The following NCKAP1 variants were observed in gnomAD, a reference collection of about 807,000 sequenced individuals.
NCKAP1 encodes the protein NCK associated protein 1.
NCKAP1 carries 21 observed loss-of-function variants against 151.2 expected under a neutral mutation model. That is an observed-to-expected ratio of 0.14 (90% CI 0.10 to 0.20). NCKAP1 has a LOEUF of 0.20. NCKAP1 is among the 10% of genes least tolerant of loss of function. The pLI is 1.00. For missense variants in NCKAP1, 933 were observed against 1,352.1 expected, an observed-to-expected ratio of 0.69 and a Z score of 4.86; for synonymous variants, 484 against 451.8, an observed-to-expected ratio of 1.07 and a Z score of -0.90.
At chr2:182,975,615 C>T (rs1366937636) in intron 15 of NCKAP1, among the ~76,000 whole-genome samples, 1 of 152,056 alleles carries the variant, frequency 6.6e-6, no homozygotes, top group African/African-American at 2.4e-5. Flanking sequence ...TTATTTTTAA[C>T]AGCAAAACAG....
intron 14 of NCKAP1, among the ~76,000 whole-genome samples, chr2:182,978,057 C>T (rs550779728): frequency 2.6e-5 from 4 of 152,132 alleles, no homozygotes; most frequent in East Asian, 1.9e-4. Context: ...AGAGATCCTA[C>T]GAATAGAAAC....
rs1383851845 is a variant in NCKAP1, at chr2:183,004,032, T to G, written c.220-707A>C. Among the ~76,000 whole-genome samples the G allele has an allele frequency of 3.3e-5, 5 of 152,326 alleles. No individual in the cohort carries two copies. The East Asian group carries it at 9.6e-4, about 29-fold the overall frequency. On this transcript the variant is annotated intron_variant, in intron 2 of 30. Coordinates refer to ENST00000361354, the MANE Select transcript of NCKAP1 (RefSeq NM_013436.5). ...TAATTTCTAAAAGAATCTAGCTATT[T>G]TTAATGCCCTATAAGATTCTCAGAA...
At chr2:182,965,263 T>C (rs1450492860) in intron 16 of NCKAP1, among the ~76,000 whole-genome samples, 1 of 72,250 alleles carries the variant, frequency 1.4e-5, no homozygotes, top group Admixed American at 1.9e-4. Context: ...GAGAAATATT[T>C]TATGAACCAC....
chr2:182,976,801 G>T, intron 15 of NCKAP1, 92 bp downstream of exon 15: 1 of 578,840 alleles, frequency 1.7e-6, no homozygotes, highest in Non-Finnish European at 2.7e-6. Flanking sequence ...ATTTTCAATA[G>T]GTATATAACA....
rs767239132 is a variant in NCKAP1 at position 182,964,503 on chromosome 2, C to CTA, written c.1761+171_1761+172dup. ...TCTTATTATACTTATGTTTATTTAT[C>CTA]TATATATATATTAAACCTATGTATC... On this transcript the variant is annotated intron_variant, in intron 17 of 30. Transcript: ENST00000361354. Among the ~76,000 whole-genome samples, 13 of 152,048 alleles carry CTA rather than the reference C, an allele frequency of 8.5e-5. No homozygotes were observed. In the East Asian group the frequency reaches 2.3e-3, roughly 27 times the overall value.
chr2:182,937,610 C>T lies in NCKAP1; in HGVS notation c.2696-2235G>A, dbSNP rs145276285. Among the ~76,000 whole-genome samples, 82 of 151,844 alleles carry T rather than the reference C, an allele frequency of 5.4e-4. 1 individual carries two copies. In the East Asian group the frequency reaches 0.013, roughly 23 times the overall value. The stretch of plus-strand genomic sequence containing the variant: ...GGTTTTCAAAATATAAAGAGTTATA[C>T]GAAAAGAATTCTATTTAAAAATGAC... On this transcript the variant is annotated intron_variant, in intron 24 of 30. Coordinates refer to ENST00000361354, the MANE Select transcript of NCKAP1 (RefSeq NM_013436.5).
chr2:183,021,819 C>A (rs903940075), intron 2 of NCKAP1, among the ~76,000 whole-genome samples: 1 of 152,016 alleles, frequency 6.6e-6, no homozygotes, highest in South Asian at 2.1e-4. Flanking sequence ...TGCTAATGGG[C>A]ACAAAGTTTC....
At chr2:183,017,676 G>C (rs957795966) in intron 2 of NCKAP1, among the ~76,000 whole-genome samples, 1 of 152,124 alleles carries the variant, frequency 6.6e-6, no homozygotes, top group Non-Finnish European at 1.5e-5. Flanking sequence ...CCCTGATCTA[G>C]AGCACAGAAT....
At chr2:182,951,338 T>C (rs1697211344) in intron 23 of NCKAP1, among the ~76,000 whole-genome samples, 2 of 151,970 alleles carry the variant, frequency 1.3e-5, no homozygotes, top group Admixed American at 1.3e-4. Context: ...ATCTGAACTG[T>C]AAGCTACTTA....
chr2:182,929,672 G>A (rs117140188), intron 27 of NCKAP1, among the ~76,000 whole-genome samples: 1 of 151,256 alleles, frequency 6.6e-6, no homozygotes, highest in East Asian at 1.9e-4. Context: ...AAAAAATACA[G>A]CTGTAGCAAA....
At chr2:182,992,891 T>C (rs1698197175) in intron 8 of NCKAP1, among the ~76,000 whole-genome samples, 1 of 152,212 alleles carries the variant, frequency 6.6e-6, no homozygotes, top group Admixed American at 6.5e-5. Context: ...ATAAAAACTA[T>C]GAGCTTGTAT....
intron 2 of NCKAP1, among the ~76,000 whole-genome samples, chr2:183,006,035 GAC>G (rs957193858): frequency 2.0e-5 from 3 of 152,130 alleles, no homozygotes; most frequent in African/African-American, 7.2e-5. Flanking sequence ...AGCACAATTA[GAC>G]AGTGTACCAA....
intron 2 of NCKAP1, among the ~76,000 whole-genome samples, chr2:183,018,178 C>T (rs1239928210): frequency 5.3e-5 from 8 of 152,008 alleles, no homozygotes; most frequent in African/African-American, 1.7e-4. Context: ...ATTCGGGAGG[C>T]AGAGGTTGCA....
At chr2:182,994,301 C>T (rs888154678) in intron 8 of NCKAP1, among the ~76,000 whole-genome samples, 1 of 152,098 alleles carries the variant, frequency 6.6e-6, no homozygotes, top group Non-Finnish European at 1.5e-5. Context: ...GTCTTTGTCA[C>T]TCACTAGCTG....
Position 182,983,349 on chromosome 2 carries a change from T to C in NCKAP1, c.1038A>G (p.Leu346=). The C allele has an allele frequency of 6.2e-7, 1 of 1,613,436 alleles. No homozygotes were observed. The highest frequency in any genetic ancestry group is 8.5e-7 in the Non-Finnish European group (1 of 1,179,484). The change falls in exon 11 of 31, where the codon TTA becomes TTG. Residue 346 remains leucine (L), a synonymous_variant. Coordinates refer to ENST00000361354, the MANE Select transcript of NCKAP1 (RefSeq NM_013436.5). ...GSMHRERRKF[L]RSALKELATV... ...TAGCCAATTCCTTCAGTGCAGATCT[T>C]AAAAACTTGCGTCTTTCTCTGTGCA...
At chr2:182,929,118 AG>A (rs1425363287) in intron 27 of NCKAP1, among the ~76,000 whole-genome samples, 1 of 151,998 alleles carries the variant, frequency 6.6e-6, no homozygotes, top group African/African-American at 2.4e-5. Context: ...TCAACTACTT[AG>A]GCATATTTCA....
chr2:182,974,352 T>C (rs939086400), intron 15 of NCKAP1, among the ~76,000 whole-genome samples: 2 of 151,632 alleles, frequency 1.3e-5, no homozygotes, highest in Non-Finnish European at 2.9e-5. Context: ...ATGTTATGCA[T>C]TGAATTGTAT....
chr2:183,007,934 CT>C (rs922570156), intron 2 of NCKAP1, among the ~76,000 whole-genome samples: 2 of 151,336 alleles, frequency 1.3e-5, no homozygotes, highest in African/African-American at 4.9e-5. Flanking sequence ...TTTTTGTTTT[CT>C]TTTTTTTTGA....
At chr2:183,002,810 AAAG>A (rs753074295) in intron 4 of NCKAP1, among the ~76,000 whole-genome samples, 161 bp downstream of exon 4, 7 of 152,106 alleles carry the variant, frequency 4.6e-5, no homozygotes, top group Non-Finnish European at 8.8e-5. Flanking sequence ...AAACAAATAA[AAAG>A]AATACACACT....
Sources: gnomAD v4.1 joint callset for allele counts (sites outside exome capture counted in the v4.1 genomes callset) on GRCh38, gnomAD v4.1.1 for gene constraint, MANE v1.5 for transcripts, NCBI Gene and HGNC (gene_info 2026-07-23, HGNC 2026-07-21) for gene names.